Variants in ABCC2 observed in about 807,000 individuals in gnomAD.
The protein encoded by ABCC2 is ATP-binding cassette sub-family C member 2.
In ABCC2, 157 loss-of-function variants were observed where a neutral mutation model predicts 173.4. The observed-to-expected ratio is 0.91, with a 90% CI of 0.80 to 1.03. ABCC2 has a LOEUF of 1.03. Among genes scored for constraint, ABCC2 ranks in the 50% least tolerant of loss-of-function variants. The pLI, the probability that ABCC2 is intolerant of heterozygous loss-of-function variation, is 0.00. For missense variants in ABCC2, 1,822 were observed against 1,852.3 expected, an observed-to-expected ratio of 0.98 and a Z score of 0.30; for synonymous variants, 657 against 693.5, an observed-to-expected ratio of 0.95 and a Z score of 0.83.
At chr10:99,814,945 A>T (rs2038377918) in intron 16 of ABCC2, among the ~76,000 whole-genome samples, 1 of 150,824 alleles carries the variant, frequency 6.6e-6, no homozygotes, top group Non-Finnish European at 1.5e-5. Flanking sequence ...CTGGGATTAC[A>T]GGTGTGTGCC....
At chr10:99,843,007 C>T (rs896455052) in intron 26 of ABCC2, among the ~76,000 whole-genome samples, 4 of 151,074 alleles carry the variant, frequency 2.6e-5, no homozygotes, top group African/African-American at 7.3e-5. Context: ...GAGCCAAGAT[C>T]GTGCCATTGC....
At position 99,832,124 on chromosome 10, in the gene ABCC2, T is replaced by G. The variant is rs1215257427; in HGVS notation, c.3251T>G (p.Phe1084Cys). The change falls in exon 23 of 32, where the codon TTT (phenylalanine) becomes TGT (cysteine). Residue 1084 changes from phenylalanine (F) to cysteine (C), a missense_variant. Transcript: ENST00000647814. ...CCCACAGGCCGGATTGTGAACAGGT[T>G]TGCCGGCGTAAGTATCTCAAGAACT... ...TTPTGRIVNR[F>C]AGDISTVDDT... is the part of the protein sequence containing the mutation. 1.2e-6 allele frequency: 2 copies of G among 1,614,194 alleles called. No homozygotes were observed. The highest frequency in any genetic ancestry group is 8.5e-7 in the Non-Finnish European group (1 of 1,180,020).
chr10:99,830,773 T>G lies in ABCC2; in HGVS notation c.2805T>G (p.Asn935Lys), dbSNP rs757417376. ...KSLRNSLKTR[N>K]VNSLKEDEEL... ...TGAGAAACTCCTTGAAAACTCGGAA[T>G]GTGAATAGCCTGAAGGAAGACGAAG... The change falls in exon 21 of 32, where the codon AAT becomes AAG. Residue 935 changes from asparagine to lysine, a missense_variant. Asn to Lys is a moderately conservative substitution (Grantham distance 94). Transcript: ENST00000647814. 1 of 1,613,892 alleles carries G rather than the reference T, an allele frequency of 6.2e-7. No homozygotes were observed. Among genetic ancestry groups the G allele is most frequent in the Non-Finnish European group, 8.5e-7 (1 of 1,180,010 alleles).
chr10:99,816,988 G>A (rs2038429867), intron 16 of ABCC2, among the ~76,000 whole-genome samples: 1 of 152,124 alleles, frequency 6.6e-6, no homozygotes, highest in African/African-American at 2.4e-5. Context: ...CCTTTCGTTG[G>A]TCCTAGTAAA....
rs3758395 is a variant in ABCC2 at position 99,842,247 on chromosome 10, T to C, written c.3741+154T>C. Among the ~76,000 whole-genome samples the C allele has an allele frequency of 0.064, 9,735 of 152,286 alleles. 584 individuals carry two copies. Among genetic ancestry groups the C allele is most frequent in the East Asian group, 0.33 (1,713 of 5,170 alleles). Reference sequence around the variant, plus strand: ...AAACCCTGGCTCCATCTTTTACCCATGGACGTATTCCTTACTCTTCCTAAG... The same window carrying C: ...AAACCCTGGCTCCATCTTTTACCCACGGACGTATTCCTTACTCTTCCTAAG... On this transcript the variant is annotated intron_variant, in intron 26 of 31. Coordinates refer to ENST00000647814, the MANE Select transcript of ABCC2 (RefSeq NM_000392.5).
At chr10:99,817,570 A>G in intron 17 of ABCC2, 86 bp downstream of exon 17, 1 of 1,414,906 alleles carries the variant, frequency 7.1e-7, no homozygotes, top group South Asian at 1.2e-5. Flanking sequence ...ACACAGGGGT[A>G]ATCTAGTTGA....
Position 99,834,532 on chromosome 10 carries a change from T to C in ABCC2, c.3411T>C (p.Val1137=). 6.2e-7 allele frequency: 1 copy of C among 1,614,172 alleles called. No homozygotes were observed. Among genetic ancestry groups the C allele is most frequent in the South Asian group, 1.1e-5 (1 of 91,084 alleles). The part of the protein sequence containing the change: ...VIPLGIIYVS[V]QMFYVSTSRQ... ...CTCTTGGCATTATTTATGTATCTGT[T>C]CAGGTAGGTTTGGAAATGGCTAAGT... The change falls in exon 24 of 32, where the codon GTT becomes GTC. Residue 1137 remains valine, a synonymous_variant. Coordinates refer to ENST00000647814, the MANE Select transcript of ABCC2 (RefSeq NM_000392.5).
intron 29 of ABCC2, among the ~76,000 whole-genome samples, chr10:99,846,383 T>C (rs1160854881): frequency 6.6e-6 from 1 of 152,212 alleles, no homozygotes; most frequent in African/African-American, 2.4e-5. Context: ...CTCAGTTCGA[T>C]AGTCTTTTCT....
At chr10:99,830,966 T>C (rs1051812237) in intron 21 of ABCC2, 115 bp downstream of exon 21, 20 of 1,172,736 alleles carry the variant, frequency 1.7e-5, no homozygotes, top group Middle Eastern at 5.1e-4. Context: ...TCCTCTGTCC[T>C]TTGCAAATCT....
intron 19 of ABCC2, among the ~76,000 whole-genome samples, chr10:99,822,868 T>C (rs1162413857): frequency 6.6e-6 from 1 of 152,156 alleles, no homozygotes; most frequent in Non-Finnish European, 1.5e-5. Flanking sequence ...TATGTGAAAT[T>C]TTCCACTGAC....
intron 6 of ABCC2, 107 bp from the exon 7 acceptor site, chr10:99,796,990 C>A: frequency 2.1e-6 from 2 of 966,660 alleles, no homozygotes; most frequent in Non-Finnish European, 3.3e-6. Flanking sequence ...TAGTCCCATT[C>A]TTCTGTCCCT....
In ABCC2 at chr10:99,802,114, G is replaced by A. The variant is rs542803575; in HGVS notation, c.1209+1551G>A. Among the ~76,000 whole-genome samples the A allele has an allele frequency of 3.9e-5, 6 of 152,132 alleles. No individual in the cohort carries two copies. The South Asian group carries it at 8.3e-4, about 21-fold the overall frequency. On this transcript the variant is annotated intron_variant, in intron 9 of 31. Coordinates refer to ENST00000647814, the MANE Select transcript of ABCC2 (RefSeq NM_000392.5). ...TTTTCATAATTGTGATTATTCATTC[G>A]CACTATTTTGGTTCTTAATATTCCA...
rs2038337417 is a variant in ABCC2, at chr10:99,814,556, TATACACATATACACACAC to T, written c.2094+1416_2094+1433del. Among the ~76,000 whole-genome samples, 2 of 131,744 alleles carry T rather than the reference TATACACATATACACACAC, an allele frequency of 1.5e-5. 1 individual carries two copies. Among genetic ancestry groups the T allele is most frequent in the African/African-American group, 5.5e-5 (2 of 36,304 alleles). The allele number at this position is 131,744 out of a possible 152,430, so 86.4% of individuals were successfully genotyped here. On this transcript the variant is annotated intron_variant, in intron 16 of 31. Transcript: ENST00000647814. Reference sequence around the variant, plus strand: ...ACACATATACACACACATATGTGTATATACACATATACACACACATATGTGTATATACACATATACACA... The same window carrying T: ...ACACATATACACACACATATGTGTATATATGTGTATATACACATATACACA...
At chr10:99,791,294 G>A (rs2132963231) in intron 2 of ABCC2, among the ~76,000 whole-genome samples, 1 of 152,228 alleles carries the variant, frequency 6.6e-6, no homozygotes, top group Admixed American at 6.5e-5. Flanking sequence ...TGTAATCCCA[G>A]CTACTCGGGA....
At chr10:99,791,105 A>G (rs2037804514) in intron 2 of ABCC2, among the ~76,000 whole-genome samples, 1 of 152,128 alleles carries the variant, frequency 6.6e-6, no homozygotes, top group African/African-American at 2.4e-5. Context: ...ACTGATTGGC[A>G]TTGTCTGGGA....
At chr10:99,801,340 G>C (rs187792217) in intron 9 of ABCC2, among the ~76,000 whole-genome samples, 2,506 of 152,150 alleles carry the variant, frequency 0.016, 59 homozygotes, top group African/African-American at 0.05. Context: ...GGGTTCAAGC[G>C]GTTCTCCTGC....
rs1466002406 is a variant in ABCC2, at chr10:99,814,466, C to T, written c.2094+1322C>T. 6.4e-5 allele frequency among the ~76,000 whole-genome samples: 4 copies of T among 62,162 alleles called. 2 individuals are homozygous for T. The highest frequency in any genetic ancestry group is 3.5e-4 in the African/African-American group (4 of 11,358). 40.8% of individuals were successfully genotyped at this position (62,162 alleles called of 152,430 possible). On this transcript the variant is annotated intron_variant, in intron 16 of 31. Coordinates refer to ENST00000647814, the MANE Select transcript of ABCC2 (RefSeq NM_000392.5). Reference sequence around the variant, plus strand: ...ACATATGTGTGTATATACATACACACATATGTGTGTATATACATACACACA... The same window carrying T: ...ACATATGTGTGTATATACATACACATATATGTGTGTATATACATACACACA...
At chr10:99,810,052 TG>T in intron 13 of ABCC2, 81 bp from the exon 14 acceptor site, 1 of 1,311,926 alleles carries the variant, frequency 7.6e-7, no homozygotes, top group Non-Finnish European at 1.1e-6. Flanking sequence ...TAGAAAATCA[TG>T]GACTAACGAC....
At chr10:99,802,456 T>A (rs1439004799) in intron 9 of ABCC2, among the ~76,000 whole-genome samples, 1 of 151,368 alleles carries the variant, frequency 6.6e-6, no homozygotes, top group Non-Finnish European at 1.5e-5. Flanking sequence ...AATAGAAATA[T>A]ATAGTGATTA....
Sources: allele counts gnomAD v4.1 joint callset (sites outside exome capture counted in the v4.1 genomes callset), GRCh38; gene constraint gnomAD v4.1.1; transcripts MANE v1.5; gene names NCBI Gene and HGNC (gene_info 2026-07-23, HGNC 2026-07-21).